Variants in NEK5 observed in about 807,000 individuals in gnomAD.
NEK5 encodes serine/threonine-protein kinase Nek5.
Under a neutral mutation model 109.2 loss-of-function variants are expected in NEK5, and 88 were observed. That is an observed-to-expected ratio of 0.81 (90% confidence interval 0.68 to 0.96). The LOEUF (loss-of-function observed/expected upper bound fraction) is 0.96, where lower values mean the gene tolerates loss of function less well. NEK5 is among the 40% of genes least tolerant of loss of function. The pLI is 0.00. For synonymous variants in NEK5, 283 were observed against 299.9 expected (o/e 0.94, Z 0.58); for missense variants, 834 against 920.7 (o/e 0.91, Z 1.22).
chr13:52,126,867 C>T (rs1956072880), intron 3 of NEK5, among the ~76,000 whole-genome samples: 1 of 152,080 alleles, frequency 6.6e-6, no homozygotes, highest in African/African-American at 2.4e-5. Flanking sequence ...TGGGGGTCTA[C>T]TCTAGCTAGG....
chr13:52,069,087 A>G (rs1197205561), intron 20 of NEK5, among the ~76,000 whole-genome samples: 2 of 152,174 alleles, frequency 1.3e-5, no homozygotes, highest in Non-Finnish European at 2.9e-5. Context: ...TTAAAATGAG[A>G]GACAATTTTC....
At position 52,033,612 on chromosome 13, in the gene NEK5, C is replaced by T. The variant is rs1044075627; in HGVS notation, c.*3336G>A. Reference sequence around the variant, plus strand: ...TTGTGAAACATTAAGAAGAGGCTGTCAGGTTTAATAAACTTTTTAATGAAT... The same window carrying T: ...TTGTGAAACATTAAGAAGAGGCTGTTAGGTTTAATAAACTTTTTAATGAAT... On this transcript the variant is annotated 3_prime_UTR_variant, in exon 24 of 24. Coordinates refer to ENST00000684899, the MANE Select transcript of NEK5 (RefSeq NM_001365552.1). 1 of 166,252 alleles carries T rather than the reference C, an allele frequency of 6.0e-6. No homozygotes were observed. Among genetic ancestry groups the T allele is most frequent in the Non-Finnish European group, 1.5e-5 (1 of 68,096 alleles). 10.3% of individuals were successfully genotyped at this position (166,252 alleles called of 1,614,324 possible). A position where few individuals can be genotyped will look rare whatever the true frequency, so the allele number is the denominator to read the frequency against.
intron 23 of NEK5, among the ~76,000 whole-genome samples, chr13:52,042,772 A>G (rs188794273): frequency 6.6e-6 from 1 of 152,218 alleles, no homozygotes; most frequent in East Asian, 1.9e-4. Flanking sequence ...GCTAACCATT[A>G]AAAGATTAGA....
Position 52,062,082 on chromosome 13 carries a change from T to C in NEK5, c.1976-129A>G, listed in dbSNP as rs538717528. ...TTTTATTAATAAAGAAGCCGAGATA[T>C]AGAAAAGTTTAGTGACTTCTTGTCA... On this transcript the variant is annotated intron_variant, in intron 21 of 23. Transcript: ENST00000684899. 3.5e-4 allele frequency: 54 copies of C among 152,960 alleles called. 1 individual carries two copies. The South Asian group carries it at 0.011, about 31-fold the overall frequency. The allele number at this position is 152,960 out of a possible 1,614,324, so 9.5% of individuals were successfully genotyped here. A position where few individuals can be genotyped will look rare whatever the true frequency, so the allele number is the denominator to read the frequency against.
chr13:52,038,761 G>A (rs1416592118), intron 23 of NEK5, among the ~76,000 whole-genome samples: 1 of 138,086 alleles, frequency 7.2e-6, no homozygotes, highest in Admixed American at 8.0e-5. Context: ...GGAGTTTACA[G>A]TTGTAATGAG....
At chr13:52,107,692 A>G (rs562694888) in intron 8 of NEK5, among the ~76,000 whole-genome samples, 4 of 152,178 alleles carry the variant, frequency 2.6e-5, no homozygotes, top group African/African-American at 9.6e-5. Context: ...GCCTTAAACC[A>G]TGACAAAATA....
intron 9 of NEK5, among the ~76,000 whole-genome samples, chr13:52,103,282 T>G (rs916056683): frequency 6.6e-6 from 1 of 152,068 alleles, no homozygotes; most frequent in South Asian, 2.1e-4. Flanking sequence ...TACAAAAAAA[T>G]TAGCCGGGTG....
intron 23 of NEK5, among the ~76,000 whole-genome samples, chr13:52,047,504 C>T (rs1954469824): frequency 6.6e-6 from 1 of 152,128 alleles, no homozygotes; most frequent in Admixed American, 6.6e-5. Context: ...AAAGGGTCTA[C>T]TTAAAAAATT....
At chr13:52,092,371 A>G (rs1470831287) in intron 13 of NEK5, among the ~76,000 whole-genome samples, 1 of 152,126 alleles carries the variant, frequency 6.6e-6, no homozygotes, top group East Asian at 1.9e-4. Context: ...AACAGATTTG[A>G]TTTGTGTAAC....
Position 52,102,301 on chromosome 13 carries a change from A to G in NEK5, c.610-9T>C, listed in dbSNP as rs1474320309. The G allele has an allele frequency of 6.2e-7, 1 of 1,607,942 alleles. No individual in the cohort carries two copies. The highest frequency in any genetic ancestry group is 8.5e-7 in the Non-Finnish European group (1 of 1,174,500). On this transcript the variant is annotated splice_polypyrimidine_tract_variant and intron_variant, in intron 9 of 23. Coordinates refer to ENST00000684899, the MANE Select transcript of NEK5 (RefSeq NM_001365552.1). ...AAGTTGTTACCCTCAAACTGAAAGG[A>G]CAAGGAGAAATGACACTAAATCAGA...
In NEK5 at chr13:52,083,260, C is replaced by T. The variant is rs544613868; in HGVS notation, c.1572G>A (p.Gln524=). Residue 524 remains glutamine (Q), a splice_region_variant and synonymous_variant, in exon 17 of 24, where the codon CAG becomes CAA. Transcript: ENST00000684899. ...CACATCTGATCATAGCCATCATTACCTGCACAGGTGCTTCTCCCTCAGATG... is the reference window on the plus strand; with the variant it reads ...CACATCTGATCATAGCCATCATTACTTGCACAGGTGCTTCTCCCTCAGATG... The part of the protein sequence containing the change: ...QDASEGEAPV[Q]DIEKDLKQMR... 1.9e-6 allele frequency: 3 copies of T among 1,601,508 alleles called. No individual in the cohort carries two copies. Among genetic ancestry groups the T allele is most frequent in the Non-Finnish European group, 1.7e-6 (2 of 1,168,462 alleles).
intron 21 of NEK5, among the ~76,000 whole-genome samples, chr13:52,062,881 C>G (rs1954624917): frequency 6.6e-6 from 1 of 152,088 alleles, no homozygotes; most frequent in Non-Finnish European, 1.5e-5. Flanking sequence ...CTCTCGAAAT[C>G]TTGTAGAGAT....
chr13:52,109,412 A>G (rs780076575), intron 7 of NEK5, among the ~76,000 whole-genome samples: 30 of 152,202 alleles, frequency 2.0e-4, no homozygotes, highest in Non-Finnish European at 4.0e-4. Context: ...ATAACATCAC[A>G]TGACAGATAG....
At chr13:52,074,557 T>G (rs1282805668) in intron 19 of NEK5, among the ~76,000 whole-genome samples, 2 of 152,150 alleles carry the variant, frequency 1.3e-5, no homozygotes, top group African/African-American at 4.8e-5. Context: ...AACACCATTA[T>G]GAACATGGGC....
At chr13:52,079,865 GC>G (rs1278531765) in intron 17 of NEK5, among the ~76,000 whole-genome samples, 1 of 151,778 alleles carries the variant, frequency 6.6e-6, no homozygotes, top group African/African-American at 2.4e-5. Context: ...GAGCGTCTCT[GC>G]CCGGCCGCCC....
intron 12 of NEK5, among the ~76,000 whole-genome samples, chr13:52,095,325 G>A (rs1593971138): frequency 6.6e-6 from 1 of 152,216 alleles, no homozygotes; most frequent in Non-Finnish European, 1.5e-5. Context: ...CTAATGACTT[G>A]TTGAAAAGTG....
intron 19 of NEK5, among the ~76,000 whole-genome samples, chr13:52,075,389 T>C (rs1009499660): frequency 6.6e-6 from 1 of 152,124 alleles, no homozygotes; most frequent in African/African-American, 2.4e-5. Flanking sequence ...TACATAGGGA[T>C]AGAAAACCAA....
intron 21 of NEK5, among the ~76,000 whole-genome samples, chr13:52,063,263 C>T (rs1003903693): frequency 6.6e-6 from 1 of 152,206 alleles, no homozygotes; most frequent in African/African-American, 2.4e-5. Context: ...TTGGTGGAGA[C>T]GGGGTTTCGC....
At chr13:52,063,981 C>T (rs1222578826) in intron 21 of NEK5, among the ~76,000 whole-genome samples, 4 of 129,080 alleles carry the variant, frequency 3.1e-5, no homozygotes, top group East Asian at 2.5e-4. Flanking sequence ...CCAGCCACCC[C>T]GTCCGGGAGG....
Sources: gnomAD v4.1 joint callset for allele counts (sites outside exome capture counted in the v4.1 genomes callset) on GRCh38, gnomAD v4.1.1 for gene constraint, MANE v1.5 for transcripts, NCBI Gene and HGNC (gene_info 2026-07-23, HGNC 2026-07-21) for gene names.